The following GRXCR1 variants were observed in gnomAD, a reference collection of about 807,000 sequenced individuals.
The protein encoded by GRXCR1 is glutaredoxin domain-containing cysteine-rich protein 1.
GRXCR1 carries 27 observed loss-of-function variants against 27.3 expected under a neutral mutation model. The ratio of observed to expected loss-of-function variants is 0.99; its 90% CI spans 0.73 to 1.37. The LOEUF (loss-of-function observed/expected upper bound fraction) is 1.37. Ranked by LOEUF, GRXCR1 falls within the 40% of genes most tolerant of loss-of-function variation. GRXCR1 has a pLI of 0.00. For synonymous variants in GRXCR1, 122 were observed against 131.1 expected (o/e 0.93, Z 0.47); for missense variants, 379 against 354.4 (o/e 1.07, Z -0.56).
intron 2 of GRXCR1, 53 bp downstream of exon 2, chr4:42,963,187 A>G: frequency 6.3e-7 from 1 of 1,591,322 alleles, no homozygotes; most frequent in Non-Finnish European, 8.6e-7. Flanking sequence ...CAGGGCTGAT[A>G]GAAATCTATA....
At chr4:42,997,055 A>G (rs13130490) in intron 2 of GRXCR1, among the ~76,000 whole-genome samples, 7,827 of 152,132 alleles carry the variant, frequency 0.051, 261 homozygotes, top group African/African-American at 0.093. Flanking sequence ...CATTTTGACA[A>G]TTTATTGAGA....
At chr4:42,996,253 A>G (rs1179702402) in intron 2 of GRXCR1, among the ~76,000 whole-genome samples, 1 of 152,162 alleles carries the variant, frequency 6.6e-6, no homozygotes, top group Non-Finnish European at 1.5e-5. Flanking sequence ...TCTTGAACAT[A>G]AATAAAGTTA....
intron 1 of GRXCR1, among the ~76,000 whole-genome samples, chr4:42,898,792 G>T (rs192427952): frequency 1.3e-5 from 2 of 150,202 alleles, no homozygotes; most frequent in East Asian, 4.0e-4. Context: ...TATGTATCCT[G>T]AGAAATTCTT....
chr4:42,963,356 A>C (rs1011554290), intron 2 of GRXCR1, among the ~76,000 whole-genome samples: 1 of 152,024 alleles, frequency 6.6e-6, no homozygotes, highest in African/African-American at 2.4e-5. Context: ...AAGAAACTGC[A>C]TTTTTGAATA....
At chr4:42,913,793 G>GC (rs1746820331) in intron 1 of GRXCR1, among the ~76,000 whole-genome samples, 2 of 152,126 alleles carry the variant, frequency 1.3e-5, no homozygotes, top group South Asian at 4.1e-4. Context: ...TGTGGGCTGA[G>GC]CCCAGGGCCC....
chr4:42,962,988 A>G lies in GRXCR1; in HGVS notation c.481A>G (p.Lys161Glu), dbSNP rs1397645944. Residue 161 changes from lysine to glutamate, a missense_variant, in exon 2 of 4, where the codon AAG becomes GAG. Physicochemically the swap from Lys to Glu is moderately conservative, Grantham distance 56 (BLOSUM62 1). Transcript: ENST00000399770. The stretch of plus-strand genomic sequence containing the variant: ...CTTTGAAAGATGTGAACTGGTTAGA[A>G]AGATTTTCCAAAACCATCGCGTAAA... ...TTFERCELVR[K>E]IFQNHRVKFE... 1 of 1,612,936 alleles carries G rather than the reference A, an allele frequency of 6.2e-7. No individual in the cohort carries two copies. Among genetic ancestry groups the G allele is most frequent in the Non-Finnish European group, 8.5e-7 (1 of 1,179,172 alleles).
intron 1 of GRXCR1, among the ~76,000 whole-genome samples, chr4:42,923,801 G>A (rs975694579): frequency 1.3e-5 from 2 of 151,996 alleles, no homozygotes; most frequent in African/African-American, 4.8e-5. Flanking sequence ...CACTGGCCAA[G>A]CAACATTTCA....
chr4:42,960,263 G>A lies in GRXCR1; in HGVS notation c.385-2629G>A, dbSNP rs7676538. 2.2e-3 allele frequency among the ~76,000 whole-genome samples: 330 copies of A among 151,994 alleles called. 2 individuals carry two copies. Among genetic ancestry groups the A allele is most frequent in the African/African-American group, 7.7e-3 (318 of 41,508 alleles). On this transcript the variant is annotated intron_variant, in intron 1 of 3. Transcript: ENST00000399770. ...CCTATTCGAAGTAGTGGATCATTTTGGTAGAAAACTAATGCAGTAATAGTA... is the reference window on the plus strand; with the variant it reads ...CCTATTCGAAGTAGTGGATCATTTTAGTAGAAAACTAATGCAGTAATAGTA...
intron 1 of GRXCR1, among the ~76,000 whole-genome samples, chr4:42,962,247 C>T (rs1464994859): frequency 6.6e-6 from 1 of 151,892 alleles, no homozygotes; most frequent in Non-Finnish European, 1.5e-5. Context: ...GGCTTTGACC[C>T]ACCACTCACT....
chr4:42,974,143 C>G (rs922578105), intron 2 of GRXCR1, among the ~76,000 whole-genome samples: 2 of 152,024 alleles, frequency 1.3e-5, no homozygotes, highest in African/African-American at 2.4e-5. Flanking sequence ...AAAAAAGACT[C>G]TCAAATCCAT....
rs36224914 is a variant in GRXCR1, at chr4:42,987,002, ATG to A, written c.627+23898_627+23899del. 9.1e-3 allele frequency among the ~76,000 whole-genome samples: 1,279 copies of A among 140,722 alleles called. 11 individuals are homozygous for A. The highest frequency in any genetic ancestry group is 0.027 in the South Asian group (118 of 4,302). The allele number at this position is 140,722 out of a possible 152,430, so 92.3% of individuals were successfully genotyped here. A position where few individuals can be genotyped will look rare whatever the true frequency, so the allele number is the denominator to read the frequency against. ...GGCTCAAAATTTAAGAGATATGTGTATGTGTGTGTGTGTGTGTGTGTGTGTGT... is the reference window on the plus strand; with the variant it reads ...GGCTCAAAATTTAAGAGATATGTGTATGTGTGTGTGTGTGTGTGTGTGTGT... On this transcript the variant is annotated intron_variant, in intron 2 of 3. Transcript: ENST00000399770.
intron 2 of GRXCR1, among the ~76,000 whole-genome samples, chr4:42,964,622 G>A (rs777867722): frequency 6.6e-5 from 10 of 152,052 alleles, no homozygotes; most frequent in Non-Finnish European, 1.2e-4. Flanking sequence ...AGCTGGCTAA[G>A]TGGCAAGGCC....
intron 1 of GRXCR1, among the ~76,000 whole-genome samples, chr4:42,946,632 C>T (rs1747750006): frequency 6.6e-6 from 1 of 152,212 alleles, no homozygotes; most frequent in African/African-American, 2.4e-5. Context: ...AGGGCTTTTT[C>T]CTCATAGATG....
At chr4:42,941,433 T>C (rs1337598417) in intron 1 of GRXCR1, among the ~76,000 whole-genome samples, 1 of 152,040 alleles carries the variant, frequency 6.6e-6, no homozygotes, top group Non-Finnish European at 1.5e-5. Flanking sequence ...GAATGCCTAT[T>C]GAGGAGGAAT....
intron 2 of GRXCR1, among the ~76,000 whole-genome samples, chr4:42,965,321 T>C (rs1748212742): frequency 6.6e-6 from 1 of 152,008 alleles, no homozygotes; most frequent in Non-Finnish European, 1.5e-5. Context: ...CTAGAGAGAG[T>C]CCAGAAACAG....
At chr4:42,970,933 C>T (rs1478236460) in intron 2 of GRXCR1, among the ~76,000 whole-genome samples, 2 of 152,158 alleles carry the variant, frequency 1.3e-5, no homozygotes, top group South Asian at 4.1e-4. Context: ...CAGACAATCT[C>T]TTCGTGAATG....
chr4:42,942,548 G>A (rs1450936), intron 1 of GRXCR1, among the ~76,000 whole-genome samples: 30,628 of 151,958 alleles, frequency 0.2, 3,265 homozygotes, highest in African/African-American at 0.27. Context: ...TATGCAGTTT[G>A]AAAATTCAGT....
chr4:42,926,379 G>T (rs924173541), intron 1 of GRXCR1, among the ~76,000 whole-genome samples: 1 of 151,980 alleles, frequency 6.6e-6, no homozygotes, highest in African/African-American at 2.4e-5. Context: ...TGCACAGAAT[G>T]GTGCCTGGCA....
intron 1 of GRXCR1, among the ~76,000 whole-genome samples, chr4:42,945,877 T>C (rs938072849): frequency 1.1e-4 from 17 of 152,300 alleles, no homozygotes; most frequent in African/African-American, 4.1e-4. Context: ...CTCTCCAGTG[T>C]TTTAAAATAA....
Sources: allele counts gnomAD v4.1 joint callset (sites outside exome capture counted in the v4.1 genomes callset), GRCh38; gene constraint gnomAD v4.1.1; transcripts MANE v1.5; gene names NCBI Gene and HGNC (gene_info 2026-07-23, HGNC 2026-07-21).